P2RX3: variants seen among roughly 807,000 people sequenced by gnomAD.
P2RX3 encodes P2X purinoceptor 3.
Under a neutral mutation model 51.5 loss-of-function variants are expected in P2RX3, and 41 were observed. The ratio of observed to expected loss-of-function variants is 0.80; its 90% CI spans 0.62 to 1.03. The LOEUF is 1.03. P2RX3 is among the 50% of genes least tolerant of loss of function. The pLI, the probability that P2RX3 is intolerant of heterozygous loss-of-function variation, is 0.00. For missense variants in P2RX3, 459 were observed against 522.1 expected (o/e 0.88, Z 1.18); for synonymous variants, 185 against 191.6 (o/e 0.97, Z 0.29).
At chr11:57,340,124 C>CGT (rs1856311137) in intron 1 of P2RX3, among the ~76,000 whole-genome samples, 1 of 152,186 alleles carries the variant, frequency 6.6e-6, no homozygotes, top group Non-Finnish European at 1.5e-5. Context: ...TCTGTGTTCA[C>CGT]GTGTATATTC....
rs371690539 is a variant in P2RX3, at chr11:57,346,697, A to G, written c.255+18A>G. The G allele has an allele frequency of 4.6e-5, 74 of 1,612,208 alleles. No individual in the cohort carries two copies. Among genetic ancestry groups the G allele is most frequent in the Admixed American group, 8.3e-5 (5 of 59,942 alleles). ...CACCTCAGGTATGGTACCCCTACCC[A>G]GAGAGGCATGTGGATGTCCAGACAC... On this transcript the variant is annotated intron_variant, in intron 2 of 11. Transcript: ENST00000263314.
chr11:57,342,690 CAT>C (rs1369271069), intron 1 of P2RX3, among the ~76,000 whole-genome samples: 2 of 152,222 alleles, frequency 1.3e-5, no homozygotes, highest in East Asian at 1.9e-4. Flanking sequence ...GGGGAGGTAA[CAT>C]ATGTCAAGTG....
chr11:57,360,282 G>C (rs911373169), intron 8 of P2RX3, among the ~76,000 whole-genome samples: 9 of 152,262 alleles, frequency 5.9e-5, no homozygotes, highest in Non-Finnish European at 1.3e-4. Context: ...ACTGTGTTCT[G>C]CTGGGGAGAG....
chr11:57,358,849 T>G (rs529541503), intron 8 of P2RX3, among the ~76,000 whole-genome samples: 1 of 152,288 alleles, frequency 6.6e-6, no homozygotes, highest in African/African-American at 2.4e-5. Flanking sequence ...TCATTCTTTA[T>G]CTCTTGCTGG....
At chr11:57,355,170 G>A (rs548405716) in intron 8 of P2RX3, among the ~76,000 whole-genome samples, 2 of 152,282 alleles carry the variant, frequency 1.3e-5, no homozygotes, top group Admixed American at 6.5e-5. Flanking sequence ...GACAAGTCCT[G>A]ACAACTTTCA....
intron 1 of P2RX3, among the ~76,000 whole-genome samples, chr11:57,343,134 C>T (rs1856372218): frequency 6.6e-6 from 1 of 152,240 alleles, no homozygotes; most frequent in Non-Finnish European, 1.5e-5. Flanking sequence ...TTCTAGCTGC[C>T]TTGATGACAT....
rs184571372 is a variant in P2RX3, at chr11:57,364,301, G to A, written c.843-3708G>A. 4.0e-3 allele frequency among the ~76,000 whole-genome samples: 605 copies of A among 152,302 alleles called. 5 individuals carry two copies. The highest frequency in any genetic ancestry group is 0.012 in the South Asian group (58 of 4,822). On this transcript the variant is annotated intron_variant, in intron 8 of 11. Coordinates refer to ENST00000263314, the MANE Select transcript of P2RX3 (RefSeq NM_002559.5). ...CTTTGATATCTTGCACAAGGGCTGC[G>A]TTATCCTTAACAGCCTCCAAGAGCT...
Position 57,338,489 on chromosome 11 carries a change from C to G in P2RX3, c.-62C>G. On this transcript the variant is annotated 5_prime_UTR_variant, in exon 1 of 12. Transcript: ENST00000263314. ...GATCTCGTCTCCCTGTCCTGTAGGA[C>G]CTCCCTCTCCTGAGGCCACCACTGG... 1 of 1,204,060 alleles carries G rather than the reference C, an allele frequency of 8.3e-7. No homozygotes were observed. The highest frequency in any genetic ancestry group is 1.4e-5 in the South Asian group (1 of 70,422). The allele number at this position is 1,204,060 out of a possible 1,614,324, so 74.6% of individuals were successfully genotyped here. A position where few individuals can be genotyped will look rare whatever the true frequency, so the allele number is the denominator to read the frequency against.
chr11:57,345,021 G>A (rs1420563287), intron 1 of P2RX3, among the ~76,000 whole-genome samples: 3 of 152,212 alleles, frequency 2.0e-5, no homozygotes, highest in African/African-American at 7.2e-5. Flanking sequence ...TGCCAGGTGA[G>A]CAACATGCTG....
intron 8 of P2RX3, among the ~76,000 whole-genome samples, chr11:57,361,459 A>G (rs1256050393): frequency 6.6e-6 from 1 of 152,136 alleles, no homozygotes; most frequent in Non-Finnish European, 1.5e-5. Flanking sequence ...TGCACCCCCA[A>G]CAGGCACCAG....
intron 8 of P2RX3, among the ~76,000 whole-genome samples, chr11:57,357,236 G>T (rs1224803047): frequency 2.0e-5 from 3 of 152,202 alleles, no homozygotes; most frequent in East Asian, 3.8e-4. Flanking sequence ...CAGGAGAATT[G>T]CTTGAACCCA....
Position 57,370,964 on chromosome 11 carries a change from G to A in P2RX3, c.*967G>A, listed in dbSNP as rs1049558488. 1.3e-5 allele frequency among the ~76,000 whole-genome samples: 2 copies of A among 152,186 alleles called. No individual in the cohort carries two copies. Among genetic ancestry groups the A allele is most frequent in the African/African-American group, 2.4e-5 (1 of 41,434 alleles). On this transcript the variant is annotated 3_prime_UTR_variant, in exon 12 of 12. Transcript: ENST00000263314. ...GCCTTGTGAGCTGCTCAGCTGGGTT[G>A]GCCAGGCCTGTCCCCATAGGGTCTT...
At chr11:57,346,263 A>C (rs965508746) in intron 1 of P2RX3, among the ~76,000 whole-genome samples, 1 of 152,242 alleles carries the variant, frequency 6.6e-6, no homozygotes, top group Admixed American at 6.5e-5. Flanking sequence ...CATACAGTAC[A>C]TAAACAGATA....
intron 8 of P2RX3, among the ~76,000 whole-genome samples, chr11:57,353,292 G>A (rs541951526): frequency 9.2e-5 from 14 of 152,186 alleles, no homozygotes; most frequent in Non-Finnish European, 1.6e-4. Flanking sequence ...TGTGCAAAAC[G>A]TTTTGTGTGC....
At chr11:57,336,647 A>T (rs1208752517), upstream of P2RX3, among the ~76,000 whole-genome samples, 1 of 152,224 alleles carries the variant, frequency 6.6e-6, no homozygotes, top group Admixed American at 6.5e-5. Flanking sequence ...CAACAAGGCT[A>T]GGTAGGACCC....
In P2RX3 at chr11:57,338,461, C is replaced by T. The variant is rs1399351730; in HGVS notation, c.-90C>T. 1.3e-5 allele frequency: 10 copies of T among 790,870 alleles called. No homozygotes were observed. The highest frequency in any genetic ancestry group is 9.3e-5 in the Admixed American group (5 of 53,634). The allele number at this position is 790,870 out of a possible 1,614,324, so 49.0% of individuals were successfully genotyped here. ...CCCCTCTAAGCTGCCCCCTCCAGGT[C>T]GTGATCTCGTCTCCCTGTCCTGTAG... On this transcript the variant is annotated 5_prime_UTR_variant, in exon 1 of 12. Coordinates refer to ENST00000263314, the MANE Select transcript of P2RX3 (RefSeq NM_002559.5).
In P2RX3 at chr11:57,348,724, C is replaced by T; in HGVS notation, c.563+20C>T. 6.2e-7 allele frequency: 1 copy of T among 1,600,030 alleles called. No homozygotes were observed. Among genetic ancestry groups the T allele is most frequent in the Non-Finnish European group, 8.6e-7 (1 of 1,169,462 alleles). ...TGAGAAGTGAGTCCCCACTCCTTCC[C>T]TAAAGCCAAGATGCAGGCACCCCCG... On this transcript the variant is annotated intron_variant, in intron 6 of 11. Transcript: ENST00000263314.
At position 57,369,927 on chromosome 11, in the gene P2RX3, T is replaced by A; in HGVS notation, c.1124T>A (p.Val375Glu). 6.2e-7 allele frequency: 1 copy of A among 1,614,046 alleles called. No individual in the cohort carries two copies. The highest frequency in any genetic ancestry group is 8.5e-7 in the Non-Finnish European group (1 of 1,179,978). The change falls in exon 12 of 12, where the codon GTG (valine) becomes GAG (glutamate). Residue 375 changes from valine to glutamate, a missense_variant. Physicochemically the swap from Val to Glu is moderately radical, Grantham distance 121. Transcript: ENST00000263314. ...TLKIAALTNP[V>E]YPSDQTTAEK... ...AAAATCGCGGCTTTGACCAACCCAGTGTACCCCAGCGACCAGACCACAGCG... is the reference window on the plus strand; with the variant it reads ...AAAATCGCGGCTTTGACCAACCCAGAGTACCCCAGCGACCAGACCACAGCG...
chr11:57,368,312 CG>C, intron 9 of P2RX3, 59 bp from the exon 10 acceptor site: 6 of 1,578,284 alleles, frequency 3.8e-6, no homozygotes, highest in Non-Finnish European at 5.2e-6. Context: ...CGTGCAGCCT[CG>C]GGCCTCACCC....
Sources: allele counts gnomAD v4.1 joint callset (sites outside exome capture counted in the v4.1 genomes callset), GRCh38; gene constraint gnomAD v4.1.1; transcripts MANE v1.5; gene names NCBI Gene and HGNC (gene_info 2026-07-23, HGNC 2026-07-21).